The following NLGN1 variants were observed in gnomAD, a reference collection of about 807,000 sequenced individuals.
NLGN1 encodes the protein neuroligin-1.
A neutral mutation model predicts 65.5 loss-of-function variants in NLGN1; 12 were observed. The ratio of observed to expected loss-of-function variants is 0.18; its 90% CI spans 0.12 to 0.30. The LOEUF is 0.30. NLGN1 is among the 10% of genes least tolerant of loss of function. The probability of loss-of-function intolerance (pLI) is 1.00; values close to 1 mark genes in which losing one functional copy is unlikely to be tolerated. For missense variants in NLGN1, 750 were observed against 1,007.1 expected (o/e 0.74, Z 3.46); for synonymous variants, 350 against 359.5 (o/e 0.97, Z 0.30).
At chr3:174,206,308 C>G (rs945907539) in intron 4 of NLGN1, among the ~76,000 whole-genome samples, 1 of 152,208 alleles carries the variant, frequency 6.6e-6, no homozygotes, top group Non-Finnish European at 1.5e-5. Flanking sequence ...AAATCAGATA[C>G]TGGGCTCGAG....
intron 4 of NLGN1, among the ~76,000 whole-genome samples, chr3:174,142,089 C>A (rs1465385773): frequency 2.0e-5 from 3 of 152,082 alleles, no homozygotes; most frequent in Non-Finnish European, 4.4e-5. Context: ...TTATCACTTG[C>A]TTAGTTTCCC....
At chr3:173,748,427 GT>G (rs746616047) in intron 3 of NLGN1, among the ~76,000 whole-genome samples, 3 of 152,086 alleles carry the variant, frequency 2.0e-5, no homozygotes, top group Non-Finnish European at 4.4e-5. Flanking sequence ...GGAAGAAAAT[GT>G]TGTAATGGGA....
intron 2 of NLGN1, among the ~76,000 whole-genome samples, chr3:173,513,780 C>A (rs1733361830): frequency 6.6e-6 from 1 of 152,100 alleles, no homozygotes; most frequent in Non-Finnish European, 1.5e-5. Flanking sequence ...AATCCCAGCA[C>A]TTTGGGAGGC....
intron 4 of NLGN1, among the ~76,000 whole-genome samples, chr3:174,210,356 C>T (rs967912385): frequency 1.3e-5 from 2 of 152,148 alleles, no homozygotes; most frequent in Admixed American, 1.3e-4. Flanking sequence ...TGGTGTAGTT[C>T]CAGCACCTTC....
chr3:173,581,809 T>C (rs1746447565), intron 2 of NLGN1, among the ~76,000 whole-genome samples: 3 of 151,982 alleles, frequency 2.0e-5, no homozygotes, highest in African/African-American at 7.2e-5. Context: ...AGTCTAAATC[T>C]TTAATTTTAA....
At chr3:174,088,653 TGAGGCAGGAGAATGGTGTGAACTCGG>T (rs1743898952) in intron 4 of NLGN1, among the ~76,000 whole-genome samples, 1 of 151,506 alleles carries the variant, frequency 6.6e-6, no homozygotes, top group South Asian at 2.1e-4. Context: ...CTCGGGAGGC[TGAGGCAGGAGAATGGTGTGAACTCGG>T]GAGGCGGAGC....
At chr3:173,640,287 A>G (rs1577682227) in intron 3 of NLGN1, among the ~76,000 whole-genome samples, 2 of 152,258 alleles carry the variant, frequency 1.3e-5, no homozygotes, top group East Asian at 3.9e-4. Context: ...AGAAAGGTCT[A>G]TATTTCTTCA....
chr3:173,562,323 C>G (rs1007843751), intron 2 of NLGN1, among the ~76,000 whole-genome samples: 1 of 152,158 alleles, frequency 6.6e-6, no homozygotes, highest in African/African-American at 2.4e-5. Flanking sequence ...AATCCTAGCA[C>G]TTTGGGAGGC....
intron 1 of NLGN1, among the ~76,000 whole-genome samples, chr3:173,432,331 T>G (rs1482235695): frequency 6.6e-6 from 1 of 152,246 alleles, no homozygotes; most frequent in Non-Finnish European, 1.5e-5. Flanking sequence ...CTATACCATT[T>G]GTATTTTCAC....
intron 4 of NLGN1, among the ~76,000 whole-genome samples, chr3:174,039,834 G>A (rs1170198476): frequency 6.6e-6 from 1 of 152,108 alleles, no homozygotes; most frequent in Non-Finnish European, 1.5e-5. Flanking sequence ...GATAAGAAAC[G>A]CTGAGAGGTA....
chr3:173,481,941 A>C (rs1727365327), intron 2 of NLGN1, among the ~76,000 whole-genome samples: 1 of 152,014 alleles, frequency 6.6e-6, no homozygotes, highest in Non-Finnish European at 1.5e-5. Flanking sequence ...TGATATTAAA[A>C]TGACACATTT....
chr3:173,633,645 G>A (rs1476784232), intron 3 of NLGN1, among the ~76,000 whole-genome samples: 2 of 152,120 alleles, frequency 1.3e-5, no homozygotes, highest in South Asian at 2.1e-4. Context: ...ACAGGCAGGG[G>A]AAGTGCCATC....
At chr3:173,709,472 A>G (rs960798328) in intron 3 of NLGN1, among the ~76,000 whole-genome samples, 1 of 152,286 alleles carries the variant, frequency 6.6e-6, no homozygotes, top group Admixed American at 6.5e-5. Flanking sequence ...AATCTTGTAC[A>G]GTATACACAT....
intron 4 of NLGN1, among the ~76,000 whole-genome samples, chr3:173,983,542 G>C (rs1014596545): frequency 1.1e-4 from 16 of 152,220 alleles, no homozygotes; most frequent in Admixed American, 8.5e-4. Flanking sequence ...CAATCTCTGG[G>C]GCTGGATTCC....
At chr3:173,469,391 A>G (rs759715606) in intron 2 of NLGN1, among the ~76,000 whole-genome samples, 1 of 152,052 alleles carries the variant, frequency 6.6e-6, no homozygotes, top group African/African-American at 2.4e-5. Flanking sequence ...TCCAAGTTAC[A>G]CTGATGATCC....
chr3:173,642,091 C>G (rs1378180305), intron 3 of NLGN1, among the ~76,000 whole-genome samples: 1 of 151,536 alleles, frequency 6.6e-6, no homozygotes, highest in Non-Finnish European at 1.5e-5. Flanking sequence ...CTGTTCTGGC[C>G]AAAATGGAGT....
chr3:173,664,519 A>G (rs1761427352), intron 3 of NLGN1, among the ~76,000 whole-genome samples: 1 of 152,126 alleles, frequency 6.6e-6, no homozygotes, highest in South Asian at 2.1e-4. Flanking sequence ...GGGAACAATT[A>G]AAAGTGTTAA....
intron 4 of NLGN1, among the ~76,000 whole-genome samples, chr3:173,900,341 T>C (rs979554660): frequency 3.3e-5 from 5 of 152,068 alleles, no homozygotes; most frequent in African/African-American, 1.2e-4. Context: ...TGGGTGCATC[T>C]GTTACAGTAG....
At chr3:174,179,935 C>A (rs529520421) in intron 4 of NLGN1, among the ~76,000 whole-genome samples, 1 of 152,202 alleles carries the variant, frequency 6.6e-6, no homozygotes, top group Admixed American at 6.5e-5. Context: ...CCTAGTTAAT[C>A]GTTAATGGTG....
Sources: allele counts gnomAD v4.1 joint callset (sites outside exome capture counted in the v4.1 genomes callset), GRCh38; gene constraint gnomAD v4.1.1; transcripts MANE v1.5; gene names NCBI Gene and HGNC (gene_info 2026-07-23, HGNC 2026-07-21).